TRAPPC9: variants seen among roughly 807,000 people sequenced by gnomAD.
TRAPPC9 encodes IKK2 binding protein.
Under a neutral mutation model 124.0 loss-of-function variants are expected in TRAPPC9, and 83 were observed. That is an observed-to-expected ratio of 0.67 (90% CI 0.56 to 0.80). TRAPPC9 has a LOEUF of 0.80. Among genes scored for constraint, TRAPPC9 ranks in the 30% least tolerant of loss-of-function variants. The pLI is 0.00. For synonymous variants in TRAPPC9, 638 were observed against 617.5 expected (o/e 1.03, Z -0.49); for missense variants, 1,302 against 1,508.3 (o/e 0.86, Z 2.27).
At chr8:140,322,792 C>G (rs954565076) in intron 9 of TRAPPC9, among the ~76,000 whole-genome samples, 1 of 152,072 alleles carries the variant, frequency 6.6e-6, no homozygotes, top group Admixed American at 6.5e-5. Flanking sequence ...GCTATGATTA[C>G]GGGCCACTGT....
intron 21 of TRAPPC9, among the ~76,000 whole-genome samples, chr8:139,793,766 G>A (rs1188821371): frequency 1.3e-5 from 2 of 152,168 alleles, no homozygotes; most frequent in East Asian, 1.9e-4. Flanking sequence ...TCCACATGGA[G>A]ACCCAGATCC....
chr8:140,218,584 T>C (rs1317055629), intron 17 of TRAPPC9, among the ~76,000 whole-genome samples: 1 of 151,904 alleles, frequency 6.6e-6, no homozygotes, highest in Non-Finnish European at 1.5e-5. Flanking sequence ...GAAGACTGTC[T>C]GCTGCTCTGC....
chr8:139,824,285 C>T (rs1225095460), intron 21 of TRAPPC9, among the ~76,000 whole-genome samples: 1 of 152,126 alleles, frequency 6.6e-6, no homozygotes, highest in South Asian at 2.1e-4. Flanking sequence ...GTGAGGAAGT[C>T]GCCGGGTCAC....
intron 11 of TRAPPC9, among the ~76,000 whole-genome samples, chr8:140,297,161 T>C (rs898930037): frequency 5.0e-5 from 7 of 140,180 alleles, no homozygotes; most frequent in African/African-American, 1.8e-4. Context: ...CATCAGGCCC[T>C]GCCTGTTCAT....
chr8:140,443,154 AGC>A (rs2071094048), intron 2 of TRAPPC9, among the ~76,000 whole-genome samples: 1 of 125,014 alleles, frequency 8.0e-6, no homozygotes. Flanking sequence ...AAAAAAAAAA[AGC>A]CAGGCGCGGT....
intron 9 of TRAPPC9, among the ~76,000 whole-genome samples, chr8:140,324,437 A>G (rs1486464366): frequency 1.3e-5 from 2 of 152,200 alleles, no homozygotes; most frequent in Non-Finnish European, 2.9e-5. Context: ...AAGATTCATG[A>G]TTTTTTTAAA....
At chr8:139,802,070 CTTCCTCTAGCCCA>C (rs1823574639) in intron 21 of TRAPPC9, among the ~76,000 whole-genome samples, 2 of 152,220 alleles carry the variant, frequency 1.3e-5, no homozygotes, top group Admixed American at 1.3e-4. Flanking sequence ...CTCTGGGCTT[CTTCCTCTAGCCCA>C]TTCCTCTTCC....
At chr8:140,101,328 A>G (rs2060574267) in intron 17 of TRAPPC9, among the ~76,000 whole-genome samples, 1 of 151,732 alleles carries the variant, frequency 6.6e-6, no homozygotes, top group South Asian at 2.1e-4. Flanking sequence ...TAGAAATGGG[A>G]TTTCACTATG....
rs1367879390 is a variant in TRAPPC9 at position 139,731,104 on chromosome 8, C to G, written c.3404G>C (p.Cys1135Ser). The G allele has an allele frequency of 1.2e-6, 2 of 1,613,794 alleles. No homozygotes were observed. The highest frequency in any genetic ancestry group is 1.7e-6 in the Non-Finnish European group (2 of 1,180,022). ...GGCACACACGTGCACACTGGGCAGGCAGAACCAAGAGGGTGGCAGCTCCTT... is the reference window on the plus strand; with the variant it reads ...GGCACACACGTGCACACTGGGCAGGGAGAACCAAGAGGGTGGCAGCTCCTT... ...TSKELPPSWF[C>S]LPSVHVCALE... The change falls in exon 23 of 23, where the codon TGC (cysteine) becomes TCC (serine). Residue 1135 changes from cysteine to serine, a missense_variant. Transcript: ENST00000438773.
At position 139,971,726 on chromosome 8, in the gene TRAPPC9, C is replaced by T. The variant is rs531818183; in HGVS notation, c.2810+17000G>A. On this transcript the variant is annotated intron_variant, in intron 19 of 22. Transcript: ENST00000438773. ...GCTAAAGTTCATATATATATATACA[C>T]ACACACACACACATATATATATACA... is the stretch of plus-strand genomic sequence containing the variant. Among the ~76,000 whole-genome samples, 472 of 108,048 alleles carry T rather than the reference C, an allele frequency of 4.4e-3. 6 individuals carry two copies. Among genetic ancestry groups the T allele is most frequent in the African/African-American group, 0.011 (402 of 35,064 alleles). 70.9% of individuals were successfully genotyped at this position (108,048 alleles called of 152,430 possible).
At chr8:140,344,365 C>T (rs1398236786) in intron 9 of TRAPPC9, among the ~76,000 whole-genome samples, 2 of 152,332 alleles carry the variant, frequency 1.3e-5, no homozygotes, top group East Asian at 1.9e-4. Flanking sequence ...TCTTGTGCCC[C>T]TTTTCCAAAT....
intron 16 of TRAPPC9, among the ~76,000 whole-genome samples, chr8:140,250,898 A>G (rs1370179134): frequency 2.0e-5 from 3 of 152,214 alleles, no homozygotes; most frequent in African/African-American, 7.2e-5. Flanking sequence ...TTTAAAAGAT[A>G]GAAGAAGGTA....
At chr8:140,385,080 A>G (rs543937204) in intron 7 of TRAPPC9, among the ~76,000 whole-genome samples, 6 of 152,232 alleles carry the variant, frequency 3.9e-5, no homozygotes, top group South Asian at 2.1e-4. Flanking sequence ...CTGGGTACAT[A>G]ACGAAATGAA....
At chr8:139,754,451 T>C (rs943092653) in intron 21 of TRAPPC9, among the ~76,000 whole-genome samples, 3 of 152,200 alleles carry the variant, frequency 2.0e-5, no homozygotes, top group African/African-American at 4.8e-5. Context: ...TGCAGACAGC[T>C]GGGTGCTGCC....
chr8:139,936,457 C>A (rs1027477521), intron 19 of TRAPPC9, among the ~76,000 whole-genome samples: 1 of 152,164 alleles, frequency 6.6e-6, no homozygotes, highest in African/African-American at 2.4e-5. Flanking sequence ...GGAGCTGTGG[C>A]AGACGCTGTA....
At chr8:139,839,347 G>A (rs28442047) in intron 21 of TRAPPC9, among the ~76,000 whole-genome samples, 26,034 of 152,216 alleles carry the variant, frequency 0.17, 3,549 homozygotes, top group African/African-American at 0.36. Flanking sequence ...GCAGCAGAAC[G>A]GGATCCAGGT....
intron 21 of TRAPPC9, among the ~76,000 whole-genome samples, chr8:139,749,808 G>A (rs762426863): frequency 1.3e-5 from 2 of 152,218 alleles, no homozygotes; most frequent in Admixed American, 6.5e-5. Flanking sequence ...CTGCCCCTGT[G>A]CTGGACTGGA....
Position 140,393,930 on chromosome 8 carries a change from G to GGGCC in TRAPPC9, c.1134+3686_1134+3689dup, listed in dbSNP as rs796517957. Among the ~76,000 whole-genome samples, 9 of 152,114 alleles carry GGGCC rather than the reference G, an allele frequency of 5.9e-5. No homozygotes were observed. In the East Asian group the frequency reaches 1.4e-3, roughly 23 times the overall value. On this transcript the variant is annotated intron_variant, in intron 7 of 22. Coordinates refer to ENST00000438773, the MANE Select transcript of TRAPPC9 (RefSeq NM_001160372.4). The stretch of plus-strand genomic sequence containing the variant: ...AGCGTCGTGCTGGGGAAAACTCACA[G>GGGCC]GGCCACGGAACCACATCTGCACTGT...
intron 5 of TRAPPC9, among the ~76,000 whole-genome samples, chr8:140,416,292 G>A (rs1432244829): frequency 6.6e-6 from 1 of 151,990 alleles, no homozygotes; most frequent in African/African-American, 2.4e-5. Context: ...AGATGAGTTG[G>A]GCAAATTCCC....
Sources: gnomAD v4.1 joint callset for allele counts (sites outside exome capture counted in the v4.1 genomes callset) on GRCh38, gnomAD v4.1.1 for gene constraint, MANE v1.5 for transcripts, NCBI Gene and HGNC (gene_info 2026-07-23, HGNC 2026-07-21) for gene names.